JAK2: variants seen among roughly 807,000 people sequenced by gnomAD.
JAK2 encodes the protein Janus kinase 2.
JAK2 carries 86 observed loss-of-function variants against 139.3 expected under a neutral mutation model. The ratio of observed to expected loss-of-function variants is 0.62; its 90% CI spans 0.52 to 0.74. JAK2 has a LOEUF of 0.74. JAK2 is among the 30% of genes least tolerant of loss of function. JAK2 has a pLI of 0.00. For missense variants in JAK2, 1,421 were observed against 1,360.3 expected (o/e 1.04, Z -0.70); for synonymous variants, 490 against 437.7 (o/e 1.12, Z -1.49).
intron 8 of JAK2, among the ~76,000 whole-genome samples, chr9:5,063,322 A>G (rs1031733578): frequency 1.3e-5 from 2 of 152,240 alleles, no homozygotes; most frequent in Non-Finnish European, 2.9e-5. Flanking sequence ...AAAATTTCAC[A>G]TAATCAAACC....
intron 2 of JAK2, among the ~76,000 whole-genome samples, chr9:4,993,784 G>T (rs1026541759): frequency 2.0e-5 from 3 of 152,168 alleles, no homozygotes; most frequent in African/African-American, 7.2e-5. Context: ...TCTTCATAAC[G>T]TTGATAAGAA....
intron 22 of JAK2, chr9:5,111,012 G>GGGCC: frequency 1.3e-6 from 1 of 752,916 alleles, no homozygotes; most frequent in Non-Finnish European, 2.2e-6. Flanking sequence ...CCAACGGGAA[G>GGGCC]GGCCGGCCCG....
intron 16 of JAK2, among the ~76,000 whole-genome samples, chr9:5,078,869 T>TA (rs1819487065): frequency 6.6e-6 from 1 of 152,210 alleles, no homozygotes; most frequent in Admixed American, 6.5e-5. Context: ...TCTGACTTTT[T>TA]AAAACCTTAA....
intron 22 of JAK2, chr9:5,114,181 A>C (rs1329553357): frequency 6.8e-6 from 3 of 441,588 alleles, no homozygotes; most frequent in Non-Finnish European, 1.3e-5. Flanking sequence ...TCTAACCCGC[A>C]AGGGGTGAGC....
chr9:5,032,996 G>A (rs563097072), intron 4 of JAK2, among the ~76,000 whole-genome samples: 1 of 152,016 alleles, frequency 6.6e-6, no homozygotes, highest in East Asian at 1.9e-4. Context: ...TAAAAACCTT[G>A]AAAAAAAATT....
chr9:5,050,640 TAATG>T (rs764147629), intron 5 of JAK2, 42 bp from the exon 6 acceptor site: 8 of 1,544,998 alleles, frequency 5.2e-6, no homozygotes, highest in Non-Finnish European at 7.1e-6. Flanking sequence ...TAAAACATGA[TAATG>T]AAACTTACGA....
rs1168766207 is a variant in JAK2 at position 5,128,619 on chromosome 9, G to A, written c.*1828G>A. Among the ~76,000 whole-genome samples the A allele has an allele frequency of 2.0e-5, 3 of 151,724 alleles. No individual in the cohort carries two copies. Among genetic ancestry groups the A allele is most frequent in the Non-Finnish European group, 4.4e-5 (3 of 67,746 alleles). On this transcript the variant is annotated 3_prime_UTR_variant, in exon 25 of 25. Coordinates refer to ENST00000381652, the MANE Select transcript of JAK2 (RefSeq NM_004972.4). ...ACTTTTCTTAAACATTTTTTTAAAT[G>A]CTTCATCTTTTAGTTTTATATAAAG...
In JAK2 at chr9:5,054,834, A is replaced by G; in HGVS notation, c.886A>G (p.Ile296Val). 6.2e-7 allele frequency: 1 copy of G among 1,612,168 alleles called. No homozygotes were observed. Among genetic ancestry groups the G allele is most frequent in the Admixed American group, 1.7e-5 (1 of 59,696 alleles). The part of the protein sequence containing the change: ...ATIIITGNGG[I>V]QWSRGKHKES... ...CATTATAATAACTGGAAACGGTGGA[A>G]TTCAGTGGTCAAGAGGGAAACATAA... is the stretch of plus-strand genomic sequence containing the variant. The change falls in exon 7 of 25, where the codon ATT becomes GTT. Residue 296 changes from isoleucine to valine, a missense_variant. Physicochemically the swap from Ile to Val is conservative, Grantham distance 29. Transcript: ENST00000381652. The surrounding 1 kb of genome is among the most constrained non-coding windows in gnomAD (Gnocchi z 4.9).
rs2129983608 is a variant in JAK2 at position 5,013,540 on chromosome 9, C to A, written c.-25-8423C>A. 2.0e-5 allele frequency among the ~76,000 whole-genome samples: 3 copies of A among 152,294 alleles called. No individual in the cohort carries two copies. In the South Asian group the frequency reaches 6.2e-4, roughly 32 times the overall value. ...GAAGCACTGACCTATCTGAACCTTC[C>A]AATCCAGCCAAACTTGTCTCTACTT... On this transcript the variant is annotated intron_variant, in intron 2 of 24. Coordinates refer to ENST00000381652, the MANE Select transcript of JAK2 (RefSeq NM_004972.4).
intron 4 of JAK2, among the ~76,000 whole-genome samples, chr9:5,037,124 C>T (rs1241417269): frequency 2.6e-5 from 4 of 152,162 alleles, no homozygotes; most frequent in Non-Finnish European, 5.9e-5. Flanking sequence ...CACCACTGGC[C>T]ATCAGAGAAA....
At chr9:5,050,405 G>T (rs1817331483) in intron 5 of JAK2, among the ~76,000 whole-genome samples, 1 of 152,040 alleles carries the variant, frequency 6.6e-6, no homozygotes, top group Non-Finnish European at 1.5e-5. Flanking sequence ...CAAGTAGCTG[G>T]GACTGCAGGT....
intron 2 of JAK2, among the ~76,000 whole-genome samples, chr9:5,018,978 C>A (rs982856233): frequency 3.3e-5 from 5 of 152,124 alleles, no homozygotes; most frequent in African/African-American, 1.2e-4. Context: ...TCTCTGACAA[C>A]AGTTCTCTCT....
chr9:5,041,346 C>T (rs1174423598), intron 4 of JAK2: 4 of 651,880 alleles, frequency 6.1e-6, no homozygotes, highest in East Asian at 2.9e-5. Flanking sequence ...ACAGGTACGG[C>T]GTGCTACATG....
rs1023434583 is a variant in JAK2, at chr9:5,104,367, G to T, written c.3059+13456G>T. On this transcript the variant is annotated intron_variant, in intron 22 of 24. Coordinates refer to ENST00000381652, the MANE Select transcript of JAK2 (RefSeq NM_004972.4). Reference sequence around the variant, plus strand: ...CACCCTCCCAAGACTAAACCAGGAAGAAGTTGAATCTCTGAATAGACCAAT... The same window carrying T: ...CACCCTCCCAAGACTAAACCAGGAATAAGTTGAATCTCTGAATAGACCAAT... Among the ~76,000 whole-genome samples, 3 of 152,172 alleles carry T rather than the reference G, an allele frequency of 2.0e-5. No homozygotes were observed. In the East Asian group the frequency reaches 5.8e-4, roughly 29 times the overall value.
chr9:5,013,819 A>C (rs569847289), intron 2 of JAK2, among the ~76,000 whole-genome samples: 2 of 152,278 alleles, frequency 1.3e-5, no homozygotes, highest in South Asian at 4.1e-4. Context: ...AATTTACTAT[A>C]AATCATAGAT....
Position 5,090,562 on chromosome 9 carries a change from A to G in JAK2, c.2878A>G (p.Ile960Val). The change falls in exon 21 of 25, where the codon ATA becomes GTA. Residue 960 changes from isoleucine to valine, a missense_variant. By Grantham distance (29) the Ile-to-Val change is conservative. Coordinates refer to ENST00000381652, the MANE Select transcript of JAK2 (RefSeq NM_004972.4). ...AAAACTTCTGCAGTACACATCTCAG[A>G]TATGCAAGGTAACTAATATCCTGAT... Reference protein sequence around the residue: ...HIKLLQYTSQICKGMEYLGTK... With the variant: ...HIKLLQYTSQVCKGMEYLGTK... 6.3e-7 allele frequency: 1 copy of G among 1,575,886 alleles called. No homozygotes were observed. The highest frequency in any genetic ancestry group is 8.6e-7 in the Non-Finnish European group (1 of 1,162,894).
intron 8 of JAK2, among the ~76,000 whole-genome samples, chr9:5,057,548 C>A (rs1365260272): frequency 6.6e-6 from 1 of 150,716 alleles, no homozygotes; most frequent in African/African-American, 2.4e-5. Flanking sequence ...ATTTCCCCCT[C>A]TTCCCAATCC....
intron 23 of JAK2, among the ~76,000 whole-genome samples, chr9:5,124,351 AT>A (rs1304908221): frequency 6.6e-6 from 1 of 151,500 alleles, no homozygotes; most frequent in Non-Finnish European, 1.5e-5. Context: ...CAGATCTTAC[AT>A]TTAAGTCTGT....
intron 2 of JAK2, among the ~76,000 whole-genome samples, chr9:5,006,587 T>C (rs990144178): frequency 6.6e-6 from 1 of 152,154 alleles, no homozygotes; most frequent in Non-Finnish European, 1.5e-5. Context: ...TTTACAATCA[T>C]GGTAGAAGGT....
Sources: allele counts gnomAD v4.1 joint callset (sites outside exome capture counted in the v4.1 genomes callset), GRCh38; gene constraint gnomAD v4.1.1; non-coding constraint Gnocchi (gnomAD v3.1); transcripts MANE v1.5; gene names NCBI Gene and HGNC (gene_info 2026-07-23, HGNC 2026-07-21).